CPNE8: variants seen among roughly 807,000 people sequenced by gnomAD.
CPNE8 encodes the protein copine-8.
In CPNE8, 45 loss-of-function variants were observed where a neutral mutation model predicts 81.5. That is an observed-to-expected ratio of 0.55 (90% CI 0.44 to 0.71). CPNE8 has a LOEUF of 0.71. CPNE8 is among the 30% of genes least tolerant of loss of function. The pLI, the probability that CPNE8 is intolerant of heterozygous loss-of-function variation, is 0.00. For missense variants in CPNE8, 594 were observed against 672.1 expected, an observed-to-expected ratio of 0.88 and a Z score of 1.28; for synonymous variants, 252 against 226.3, an observed-to-expected ratio of 1.11 and a Z score of -1.02.
At chr12:38,784,804 G>C (rs1601579) in intron 6 of CPNE8, among the ~76,000 whole-genome samples, 43,964 of 152,090 alleles carry the variant, frequency 0.29, 8,249 homozygotes, top group Non-Finnish European at 0.41. Context: ...ACATGAATAA[G>C]ACATAAAGAA....
chr12:38,683,538 G>A (rs189331719), intron 16 of CPNE8, among the ~76,000 whole-genome samples: 5 of 152,106 alleles, frequency 3.3e-5, no homozygotes, highest in East Asian at 3.9e-4. Flanking sequence ...ATAGTACCTC[G>A]TCTGCTTAGT....
rs1247038606 is a variant in CPNE8, at chr12:38,764,616, C to CAAA, written c.576-2403_576-2401dup. Among the ~76,000 whole-genome samples, 21 of 45,034 alleles carry CAAA rather than the reference C, an allele frequency of 4.7e-4. 1 individual carries two copies. The highest frequency in any genetic ancestry group is 1.0e-3 in the East Asian group (2 of 1,920). 29.5% of individuals were successfully genotyped at this position (45,034 alleles called of 152,430 possible). A position where few individuals can be genotyped will look rare whatever the true frequency, so the allele number is the denominator to read the frequency against. On this transcript the variant is annotated intron_variant, in intron 8 of 19. Transcript: ENST00000331366. ...TGGGCGACAGAGCGAGACTCCGTCT[C>CAAA]AAAAAAAAAAAAAAAAAAAAAAAGA...
chr12:38,703,672 C>T (rs1940011393), intron 13 of CPNE8, among the ~76,000 whole-genome samples: 5 of 152,148 alleles, frequency 3.3e-5, no homozygotes, highest in Admixed American at 3.3e-4. Context: ...TCTCTTCACA[C>T]ACCACTCGAT....
At position 38,839,934 on chromosome 12, in the gene CPNE8, G is replaced by T; in HGVS notation, c.312C>A (p.Ser104Arg). The T allele has an allele frequency of 6.3e-7, 1 of 1,580,420 alleles. No homozygotes were observed. Among genetic ancestry groups the T allele is most frequent in the South Asian group, 1.1e-5 (1 of 87,662 alleles). Residue 104 changes from serine to arginine, a missense_variant, in exon 5 of 20, where the codon AGC becomes AGA. By Grantham distance (110) the Ser-to-Arg change is moderately radical (BLOSUM62 -1). Coordinates refer to ENST00000331366, the MANE Select transcript of CPNE8 (RefSeq NM_153634.3). Reference sequence around the variant, plus strand: ...AACTTACATGTTTGGATAAGTTGGGGCTCTTTGAATCAACATCATACCTAA... The same window carrying T: ...AACTTACATGTTTGGATAAGTTGGGTCTCTTTGAATCAACATCATACCTAA... ...RFDLYDVDSKSPNLSKHDFLG... is the reference protein window; with the variant it reads ...RFDLYDVDSKRPNLSKHDFLG...
chr12:38,872,054 G>C (rs956932257), intron 3 of CPNE8, among the ~76,000 whole-genome samples: 8 of 152,110 alleles, frequency 5.3e-5, no homozygotes, highest in African/African-American at 1.9e-4. Flanking sequence ...AGAATCGCTT[G>C]AACCTGGAAG....
At chr12:38,679,355 G>C (rs1203413932) in intron 16 of CPNE8, among the ~76,000 whole-genome samples, 1 of 151,824 alleles carries the variant, frequency 6.6e-6, no homozygotes, top group Non-Finnish European at 1.5e-5. Context: ...CTATAAGAGA[G>C]TTATAGATAC....
chr12:38,856,859 C>T (rs1473863966), intron 3 of CPNE8, among the ~76,000 whole-genome samples: 1 of 151,882 alleles, frequency 6.6e-6, no homozygotes, highest in African/African-American at 2.4e-5. Flanking sequence ...TATCACAAAA[C>T]CTTATGTTGT....
intron 1 of CPNE8, among the ~76,000 whole-genome samples, chr12:38,903,679 A>G (rs980208291): frequency 1.3e-5 from 2 of 152,238 alleles, no homozygotes; most frequent in Non-Finnish European, 2.9e-5. Context: ...TAAGAACTCT[A>G]GTAATGCTGT....
intron 18 of CPNE8, among the ~76,000 whole-genome samples, chr12:38,673,886 C>A (rs545439974): frequency 2.0e-5 from 3 of 151,564 alleles, no homozygotes; most frequent in African/African-American, 7.3e-5. Flanking sequence ...GGCAAAACTC[C>A]GCCTCTATAA....
chr12:38,786,158 A>G (rs778445519), intron 6 of CPNE8, among the ~76,000 whole-genome samples: 3 of 152,206 alleles, frequency 2.0e-5, no homozygotes, highest in Non-Finnish European at 2.9e-5. Flanking sequence ...TCTGTTGCCT[A>G]GAAGAAACAC....
At chr12:38,882,598 T>G (rs966313793) in intron 1 of CPNE8, among the ~76,000 whole-genome samples, 8 of 152,170 alleles carry the variant, frequency 5.3e-5, no homozygotes, top group African/African-American at 1.9e-4. Flanking sequence ...CAGGTCATCT[T>G]GTCTCCCATA....
At chr12:38,761,404 T>C (rs962134714) in intron 9 of CPNE8, among the ~76,000 whole-genome samples, 2 of 152,180 alleles carry the variant, frequency 1.3e-5, no homozygotes, top group Non-Finnish European at 2.9e-5. Context: ...GGAACTTTTC[T>C]AAGAACTTTC....
chr12:38,658,417 C>T (rs562473326), intron 19 of CPNE8, among the ~76,000 whole-genome samples: 37 of 152,246 alleles, frequency 2.4e-4, no homozygotes, highest in African/African-American at 7.9e-4. Context: ...ACCAAATCTA[C>T]GTTTGATTGG....
Position 38,776,248 on chromosome 12 carries a change from T to C in CPNE8, c.461A>G (p.Asn154Ser), listed in dbSNP as rs1941933420. ...GAAATATTTACTTACCCTGCAACAG[T>C]TTAATTCCTCTGCTGTAAGTATGAT... ...GTIILTAEEL[N>S]CCRDAVLMQF... The change falls in exon 7 of 20, where the codon AAC (asparagine) becomes AGC (serine). Residue 154 changes from asparagine to serine, a missense_variant. Physicochemically the swap from Asn to Ser is conservative, Grantham distance 46. Coordinates refer to ENST00000331366, the MANE Select transcript of CPNE8 (RefSeq NM_153634.3). 3 of 1,549,184 alleles carry C rather than the reference T, an allele frequency of 1.9e-6. No homozygotes were observed. Among genetic ancestry groups the C allele is most frequent in the South Asian group, 1.3e-5 (1 of 79,254 alleles).
At chr12:38,890,542 G>A (rs76139934) in intron 1 of CPNE8, among the ~76,000 whole-genome samples, 4,770 of 151,712 alleles carry the variant, frequency 0.031, 234 homozygotes, top group African/African-American at 0.11. Context: ...ATTTTACATT[G>A]TGTGGCACAA....
At chr12:38,729,183 TG>T (rs2136760499) in intron 11 of CPNE8, among the ~76,000 whole-genome samples, 1 of 152,214 alleles carries the variant, frequency 6.6e-6, no homozygotes, top group Admixed American at 6.5e-5. Context: ...TCCTCAGCCT[TG>T]ATGTTAGGCA....
chr12:38,731,131 A>T (rs1342107104), intron 10 of CPNE8, among the ~76,000 whole-genome samples: 10 of 151,960 alleles, frequency 6.6e-5, no homozygotes. Context: ...TAAGTTGAAC[A>T]CACACTGCTG....
At chr12:38,779,965 T>A (rs942412630) in intron 6 of CPNE8, among the ~76,000 whole-genome samples, 2 of 152,062 alleles carry the variant, frequency 1.3e-5, no homozygotes, top group Admixed American at 6.6e-5. Context: ...AGCCCAGAAG[T>A]AAATCCAAGC....
chr12:38,884,462 A>G (rs1216989367), intron 1 of CPNE8, among the ~76,000 whole-genome samples: 1 of 152,058 alleles, frequency 6.6e-6, no homozygotes, highest in African/African-American at 2.4e-5. Flanking sequence ...GGTTGTTTCT[A>G]TTTTTTGGCT....
Sources: allele counts gnomAD v4.1 joint callset (sites outside exome capture counted in the v4.1 genomes callset), GRCh38; gene constraint gnomAD v4.1.1; transcripts MANE v1.5; gene names NCBI Gene and HGNC (gene_info 2026-07-23, HGNC 2026-07-21).